The following ARHGAP35 variants were observed in gnomAD, a reference collection of about 807,000 sequenced individuals.
The protein encoded by ARHGAP35 is rho GTPase-activating protein 35.
ARHGAP35 carries 15 observed loss-of-function variants against 111.1 expected under a neutral mutation model. The observed-to-expected ratio is 0.13, with a 90% CI of 0.09 to 0.21. ARHGAP35 has a LOEUF of 0.21. Ranked by LOEUF, ARHGAP35 falls within the 10% of genes least tolerant of loss-of-function variation. The pLI, the probability that ARHGAP35 is intolerant of heterozygous loss-of-function variation, is 1.00. For missense variants in ARHGAP35, 1,262 were observed against 1,873.0 expected (o/e 0.67, Z 6.02); for synonymous variants, 643 against 710.3 (o/e 0.91, Z 1.51).
At position 46,956,096 on chromosome 19, in the gene ARHGAP35, T is replaced by C. The variant is rs546752751; in HGVS notation, c.3826+18688T>C. ...ACTTAGAGAGACCAGTGCGGGCAGA[T>C]CACTTGAGCCCAGGAGTTTGAGACC... is the stretch of plus-strand genomic sequence containing the variant. On this transcript the variant is annotated intron_variant, in intron 3 of 6. Transcript: ENST00000672722. Among the ~76,000 whole-genome samples, 12 of 152,266 alleles carry C rather than the reference T, an allele frequency of 7.9e-5. No individual in the cohort carries two copies. In the East Asian group the frequency reaches 2.3e-3, roughly 29 times the overall value.
At chr19:46,888,837 CAAA>C (rs769595005) in intron 1 of ARHGAP35, among the ~76,000 whole-genome samples, 19 of 57,396 alleles carry the variant, frequency 3.3e-4, no homozygotes, top group East Asian at 9.1e-4. Context: ...ACTAAAAATA[CAAA>C]AAAAAAAAAA....
chr19:46,924,893 A>C (rs1318272147), intron 2 of ARHGAP35, among the ~76,000 whole-genome samples: 1 of 152,246 alleles, frequency 6.6e-6, no homozygotes. Context: ...ATGATGCTTT[A>C]AAAACACATT....
intron 3 of ARHGAP35, among the ~76,000 whole-genome samples, chr19:46,977,455 G>A (rs547280050): frequency 1.3e-5 from 2 of 152,276 alleles, no homozygotes; most frequent in South Asian, 2.1e-4. Context: ...CACTTGAGTC[G>A]CCTTCCTCCC....
chr19:46,993,316 T>C lies in ARHGAP35; in HGVS notation c.4036+3641T>C, dbSNP rs2056689235. ...TTTCCCTTTCCTGGCGATGCAGGCG[T>C]GCAGATGGTCAGCGGCGGCCAGCAG... On this transcript the variant is annotated intron_variant, in intron 5 of 6. Coordinates refer to ENST00000672722, the MANE Select transcript of ARHGAP35 (RefSeq NM_004491.5). The surrounding 1 kb of genome is among the most constrained non-coding windows in gnomAD (Gnocchi z 4.6). Among the ~76,000 whole-genome samples the C allele has an allele frequency of 6.6e-6, 1 of 152,214 alleles. No individual in the cohort carries two copies. The highest frequency in any genetic ancestry group is 1.5e-5 in the Non-Finnish European group (1 of 68,028).
At chr19:46,915,807 T>C (rs2056159123) in intron 1 of ARHGAP35, among the ~76,000 whole-genome samples, 1 of 152,152 alleles carries the variant, frequency 6.6e-6, no homozygotes, top group African/African-American at 2.4e-5. Flanking sequence ...GGAAAGTTGC[T>C]AAAGACTGTA....
intron 3 of ARHGAP35, among the ~76,000 whole-genome samples, chr19:46,939,675 A>C (rs957672392): frequency 1.3e-5 from 2 of 151,930 alleles, no homozygotes; most frequent in African/African-American, 4.8e-5. Context: ...GGCCTCCCAA[A>C]GTGCTGGGAT....
In ARHGAP35 at chr19:46,993,245, G is replaced by A. The variant is rs571202542; in HGVS notation, c.4036+3570G>A. Among the ~76,000 whole-genome samples the A allele has an allele frequency of 2.0e-4, 31 of 152,354 alleles. No homozygotes were observed. The highest frequency in any genetic ancestry group is 5.8e-4 in the African/African-American group (24 of 41,592). ...ACCTGGGGCGGGGAGAGCCGACGCCGGACGAGCCTGCGTGATCACTGAAGG... is the reference window on the plus strand; with the variant it reads ...ACCTGGGGCGGGGAGAGCCGACGCCAGACGAGCCTGCGTGATCACTGAAGG... On this transcript the variant is annotated intron_variant, in intron 5 of 6. Transcript: ENST00000672722. The surrounding 1 kb of genome is among the most constrained non-coding windows in gnomAD (Gnocchi z 4.6).
chr19:46,929,388 G>A (rs1387647548), intron 2 of ARHGAP35, among the ~76,000 whole-genome samples: 1 of 152,156 alleles, frequency 6.6e-6, no homozygotes. Context: ...TTAGGGAACA[G>A]CTGTAGTAAT....
intron 2 of ARHGAP35, among the ~76,000 whole-genome samples, chr19:46,927,917 A>G (rs971908578): frequency 2.6e-5 from 4 of 152,142 alleles, no homozygotes; most frequent in Non-Finnish European, 5.9e-5. Flanking sequence ...CTATATTTAG[A>G]CCACTCAATC....
Position 46,926,449 on chromosome 19 carries a change from G to A in ARHGAP35, c.3681+4093G>A, listed in dbSNP as rs776120609. 1.6e-4 allele frequency among the ~76,000 whole-genome samples: 25 copies of A among 152,186 alleles called. No homozygotes were observed. The highest frequency in any genetic ancestry group is 2.9e-4 in the Non-Finnish European group (20 of 68,038). On this transcript the variant is annotated intron_variant, in intron 2 of 6. Coordinates refer to ENST00000672722, the MANE Select transcript of ARHGAP35 (RefSeq NM_004491.5). This position sits in a 1 kb window ranked among gnomAD's most constrained non-coding sequence, Gnocchi z 4.1. ...CCCAGTGCCATGCGTTTGCAAAGACGAGATCAGGATCGGCAGGGTCTTATT... is the reference window on the plus strand; with the variant it reads ...CCCAGTGCCATGCGTTTGCAAAGACAAGATCAGGATCGGCAGGGTCTTATT...
chr19:46,990,567 T>G (rs139928662), intron 5 of ARHGAP35, among the ~76,000 whole-genome samples: 2,181 of 152,342 alleles, frequency 0.014, 29 homozygotes, highest in Non-Finnish European at 0.023. Flanking sequence ...CACAGCCACC[T>G]GTGATCCAGC....
intron 3 of ARHGAP35, among the ~76,000 whole-genome samples, chr19:46,968,034 G>A (rs1313374780): frequency 6.6e-6 from 1 of 152,190 alleles, no homozygotes; most frequent in East Asian, 1.9e-4. Flanking sequence ...TTCCTTGAGG[G>A]AAGGGACCGG....
intron 3 of ARHGAP35, among the ~76,000 whole-genome samples, chr19:46,971,688 CG>C (rs1390358448): frequency 4.0e-5 from 6 of 151,622 alleles, no homozygotes; most frequent in African/African-American, 1.2e-4. Context: ...TTAGTAGAGA[CG>C]GGGTTTCACC....
In ARHGAP35 at chr19:47,002,216, A is replaced by G. The variant is rs1054395877; in HGVS notation, c.*1528A>G. The G allele has an allele frequency of 6.5e-6, 1 of 152,700 alleles. No individual in the cohort carries two copies. The highest frequency in any genetic ancestry group is 1.5e-5 in the Non-Finnish European group (1 of 68,064). The allele number at this position is 152,700 out of a possible 1,614,324, so 9.5% of individuals were successfully genotyped here. A position where few individuals can be genotyped will look rare whatever the true frequency, so the allele number is the denominator to read the frequency against. Reference sequence around the variant, plus strand: ...CTTGGGGCTCGTTGCACTTTAAGAAATAGGATCTGTGGTGTATTCCAGGGG... The same window carrying G: ...CTTGGGGCTCGTTGCACTTTAAGAAGTAGGATCTGTGGTGTATTCCAGGGG... On this transcript the variant is annotated 3_prime_UTR_variant, in exon 7 of 7. Coordinates refer to ENST00000672722, the MANE Select transcript of ARHGAP35 (RefSeq NM_004491.5).
chr19:46,905,369 A>G (rs1383037048), intron 1 of ARHGAP35, among the ~76,000 whole-genome samples: 2 of 148,390 alleles, frequency 1.3e-5, no homozygotes, highest in East Asian at 3.9e-4. Context: ...AGTAGAACTT[A>G]AACTTTTTTT....
chr19:46,984,113 A>G (rs190375808), intron 3 of ARHGAP35, among the ~76,000 whole-genome samples: 73 of 152,268 alleles, frequency 4.8e-4, no homozygotes, highest in African/African-American at 1.7e-3. Context: ...AAGGAGAGAA[A>G]CAGAAAAGGC....
At chr19:46,984,019 T>C (rs962139734) in intron 3 of ARHGAP35, among the ~76,000 whole-genome samples, 31 of 152,306 alleles carry the variant, frequency 2.0e-4, no homozygotes, top group Non-Finnish European at 3.7e-4. Context: ...TCTTGGCTGT[T>C]CTGAGCTTTT....
intron 3 of ARHGAP35, among the ~76,000 whole-genome samples, chr19:46,976,900 C>T (rs1036135709): frequency 2.6e-5 from 4 of 152,230 alleles, no homozygotes; most frequent in Non-Finnish European, 4.4e-5. Flanking sequence ...TCTGTGCTGC[C>T]TTGCTCATGA....
intron 3 of ARHGAP35, among the ~76,000 whole-genome samples, chr19:46,978,705 A>ATGTG (rs1406884958): frequency 4.6e-5 from 1 of 21,612 alleles, no homozygotes; most frequent in Non-Finnish European, 9.3e-5. Flanking sequence ...GTGGTGGGGC[A>ATGTG]TGTGTGTGGT....
Sources: gnomAD v4.1 joint callset for allele counts (sites outside exome capture counted in the v4.1 genomes callset) on GRCh38, gnomAD v4.1.1 for gene constraint, Gnocchi (gnomAD v3.1) non-coding constraint, MANE v1.5 for transcripts, NCBI Gene and HGNC (gene_info 2026-07-23, HGNC 2026-07-21) for gene names.